The following ITGB4 variants were observed in gnomAD, a reference collection of about 807,000 sequenced individuals.
ITGB4 encodes integrin subunit beta 4.
In ITGB4, 159 loss-of-function variants were observed where a neutral mutation model predicts 207.6. That is an observed-to-expected ratio of 0.77 (90% CI 0.67 to 0.87). The LOEUF (loss-of-function observed/expected upper bound fraction) is 0.87, where lower values mean the gene tolerates loss of function less well. Among genes scored for constraint, ITGB4 ranks in the 40% least tolerant of loss-of-function variants. The pLI, the probability that ITGB4 is intolerant of heterozygous loss-of-function variation, is 0.00. For missense variants in ITGB4, 2,278 were observed against 2,546.8 expected, an observed-to-expected ratio of 0.89 and a Z score of 2.27; for synonymous variants, 1,020 against 1,062.7, an observed-to-expected ratio of 0.96 and a Z score of 0.78.
Position 75,729,121 on chromosome 17 carries a change from C to T in ITGB4, c.567-144C>T, listed in dbSNP as rs565501710. 2.1e-5 allele frequency: 15 copies of T among 722,286 alleles called. No homozygotes were observed. Among genetic ancestry groups the T allele is most frequent in the East Asian group, 1.7e-4 (6 of 36,302 alleles). The allele number at this position is 722,286 out of a possible 1,614,324, so 44.7% of individuals were successfully genotyped here. A position where few individuals can be genotyped will look rare whatever the true frequency, so the allele number is the denominator to read the frequency against. On this transcript the variant is annotated intron_variant, in intron 6 of 39. Transcript: ENST00000200181. This position sits in a 1 kb window ranked among gnomAD's most constrained non-coding sequence, Gnocchi z 4.4. ...TGCAGTGAGCCAAGATCGTGCATAC[C>T]GCACACCAGCCTGGGTGATAAAGCG...
Position 75,753,900 on chromosome 17 carries a change from G to T in ITGB4, c.4244G>T (p.Gly1415Val). 1 of 1,297,724 alleles carries T rather than the reference G, an allele frequency of 7.7e-7. No homozygotes were observed. The highest frequency in any genetic ancestry group is 9.7e-7 in the Non-Finnish European group (1 of 1,028,918). The allele number at this position is 1,297,724 out of a possible 1,614,324, so 80.4% of individuals were successfully genotyped here. A position where few individuals can be genotyped will look rare whatever the true frequency, so the allele number is the denominator to read the frequency against. The change falls in exon 33 of 40, where the codon GGG (glycine) becomes GTG (valine). Residue 1415 changes from glycine to valine, a missense_variant. Coordinates refer to ENST00000200181, the MANE Select transcript of ITGB4 (RefSeq NM_000213.5). ...TCCTCCGACGCCGAGGCGCCCCACG[G>T]GCCCCCGGACGACGGCGGCGCGGGC... Reference protein sequence around the residue: ...GRSSDAEAPHGPPDDGGAGGK... With the variant: ...GRSSDAEAPHVPPDDGGAGGK...
intron 30 of ITGB4, 26 bp downstream of exon 30, chr17:75,751,137 C>A (rs756911185): frequency 4.4e-5 from 71 of 1,610,928 alleles, no homozygotes; most frequent in Non-Finnish European, 5.8e-5. Flanking sequence ...TTCTTTCCTG[C>A]CCACAGGGAG....
intron 18 of ITGB4, among the ~76,000 whole-genome samples, chr17:75,738,793 A>G (rs1346375067): frequency 2.0e-5 from 3 of 152,192 alleles, no homozygotes; most frequent in East Asian, 1.9e-4. Flanking sequence ...ATTAATGTGC[A>G]TTACATAGGC....
chr17:75,740,009 C>A lies in ITGB4; in HGVS notation c.2384C>A (p.Thr795Asn). The change falls in exon 20 of 40, where the codon ACC becomes AAC. Residue 795 changes from threonine to asparagine, a missense_variant. Transcript: ENST00000200181. The surrounding 1 kb of genome is among the most constrained non-coding windows in gnomAD (Gnocchi z 5.9). The part of the protein sequence containing the change: ...KGRDVVRWKV[T>N]NNMQRPGFAT... ...CGTGACGTGGTCCGCTGGAAGGTCA[C>A]CAACAACATGCAGCGGCCTGGCTTT... 1 of 1,613,196 alleles carries A rather than the reference C, an allele frequency of 6.2e-7. No homozygotes were observed. The highest frequency in any genetic ancestry group is 1.6e-4 in the Middle Eastern group (1 of 6,062).
rs1053230158 is a variant in ITGB4, at chr17:75,737,552, T to C, written c.2128T>C (p.Ser710Pro). 1 of 1,585,786 alleles carries C rather than the reference T, an allele frequency of 6.3e-7. No individual in the cohort carries two copies. The highest frequency in any genetic ancestry group is 8.6e-7 in the Non-Finnish European group (1 of 1,166,538). The change falls in exon 18 of 40, where the codon TCC (serine) becomes CCC (proline). Residue 710 changes from serine (S) to proline (P), a missense_variant. Coordinates refer to ENST00000200181, the MANE Select transcript of ITGB4 (RefSeq NM_000213.5). Reference protein sequence around the residue: ...VHKKKDCPPGSFWWLIPLLLL... With the variant: ...VHKKKDCPPGPFWWLIPLLLL... ...CTCCTCTCCAGACTGCCCTCCGGGC[T>C]CCTTCTGGTGGCTCATCCCCCTGCT...
intron 8 of ITGB4, 127 bp from the exon 9 acceptor site, chr17:75,730,748 G>A: frequency 9.4e-7 from 1 of 1,059,420 alleles, no homozygotes; most frequent in East Asian, 2.4e-5. Flanking sequence ...GGGGCTAAGA[G>A]GGCAGGCTCT....
intron 35 of ITGB4, 34 bp from the exon 36 acceptor site, chr17:75,756,395 T>C: frequency 6.2e-7 from 1 of 1,610,512 alleles, no homozygotes; most frequent in Non-Finnish European, 8.5e-7. Flanking sequence ...GGAGTAACAC[T>C]GCACTACTGT....
At chr17:75,741,038 C>T in intron 23 of ITGB4, 33 bp downstream of exon 23, 1 of 1,606,622 alleles carries the variant, frequency 6.2e-7, no homozygotes, top group Non-Finnish European at 8.5e-7. Context: ...AGAGGGCCCC[C>T]ACTTCCTGCC....
rs373902577 is a variant in ITGB4, at chr17:75,756,515, C to T, written c.4795C>T (p.Arg1599Cys). Reference sequence around the variant, plus strand: ...CCTGCCCAACCACTCCTACGTGTTCCGCGTGCGGGCCCAGAGCCAGGAAGG... The same window carrying T: ...CCTGCCCAACCACTCCTACGTGTTCTGCGTGCGGGCCCAGAGCCAGGAAGG... ...DLLPNHSYVF[R>C]VRAQSQEGWG... The change falls in exon 36 of 40, where the codon CGC becomes TGC. Residue 1599 changes from arginine (R) to cysteine (C), a missense_variant. By Grantham distance (180) the Arg-to-Cys change is radical. Transcript: ENST00000200181. The T allele has an allele frequency of 6.8e-5, 110 of 1,613,348 alleles. No individual in the cohort carries two copies. Among genetic ancestry groups the T allele is most frequent in the Middle Eastern group, 1.6e-4 (1 of 6,062 alleles).
rs370985631 is a variant in ITGB4, at chr17:75,742,145, G to A, written c.2634-196G>A. Among the ~76,000 whole-genome samples the A allele has an allele frequency of 7.9e-5, 12 of 152,260 alleles. No homozygotes were observed. The highest frequency in any genetic ancestry group is 2.2e-4 in the African/African-American group (9 of 41,476). On this transcript the variant is annotated intron_variant, in intron 23 of 39. Transcript: ENST00000200181. This position sits in a 1 kb window ranked among gnomAD's most constrained non-coding sequence, Gnocchi z 5.9. The stretch of plus-strand genomic sequence containing the variant: ...AGGAGGACGCTGAGGACAGGGAGGC[G>A]CCATGGCTGGGCTGAGGCTGCAGGG...
intron 34 of ITGB4, 108 bp from the exon 35 acceptor site, chr17:75,755,593 T>C: frequency 1.4e-6 from 2 of 1,407,560 alleles, no homozygotes; most frequent in South Asian, 1.2e-5. Context: ...CAGCCAGCGG[T>C]CAGTGTAGAC....
chr17:75,752,338 C>G lies in ITGB4; in HGVS notation c.3958C>G (p.Pro1320Ala), dbSNP rs1051437360. ...REAIINLATQ[P>A]KRPMSIPIIP... Reference sequence around the variant, plus strand: ...GGCCATCATCAACCTGGCCACCCAGCCCAAGAGGCCCATGTCCAGTGAGTG... The same window carrying G: ...GGCCATCATCAACCTGGCCACCCAGGCCAAGAGGCCCATGTCCAGTGAGTG... The change falls in exon 31 of 40, where the codon CCC becomes GCC. Residue 1320 changes from proline to alanine, a missense_variant. Physicochemically the swap from Pro to Ala is conservative, Grantham distance 27. Transcript: ENST00000200181. 4 of 1,612,552 alleles carry G rather than the reference C, an allele frequency of 2.5e-6. No homozygotes were observed. The highest frequency in any genetic ancestry group is 2.7e-5 in the African/African-American group (2 of 74,918).
Position 75,742,882 on chromosome 17 carries a change from C to T in ITGB4, c.2962+121C>T, listed in dbSNP as rs777385605. The T allele has an allele frequency of 3.3e-4, 303 of 917,086 alleles. No homozygotes were observed. The highest frequency in any genetic ancestry group is 4.7e-4 in the Non-Finnish European group (286 of 613,692). 56.8% of individuals were successfully genotyped at this position (917,086 alleles called of 1,614,324 possible). ...GGGCTAGTCACTTAACCTCTGCAAG[C>T]CTTGGTTTCTCCATCTGTAAAATGG... On this transcript the variant is annotated intron_variant, in intron 25 of 39. Transcript: ENST00000200181. This position sits in a 1 kb window ranked among gnomAD's most constrained non-coding sequence, Gnocchi z 5.9.
Position 75,739,984 on chromosome 17 carries a change from C to T in ITGB4, c.2359C>T (p.Arg787Cys), listed in dbSNP as rs150184884. Residue 787 changes from arginine (R) to cysteine (C), a missense_variant, in exon 20 of 40, where the codon CGT becomes TGT. Transcript: ENST00000200181. The surrounding 1 kb of genome is among the most constrained non-coding windows in gnomAD (Gnocchi z 5.4). ...PMLRSGNLKG[R>C]DVVRWKVTNN... The stretch of plus-strand genomic sequence containing the variant: ...GCTGCGCAGCGGGAACCTCAAGGGC[C>T]GTGACGTGGTCCGCTGGAAGGTCAC... 5.0e-5 allele frequency: 81 copies of T among 1,613,232 alleles called. No individual in the cohort carries two copies. The highest frequency in any genetic ancestry group is 2.9e-4 in the East Asian group (13 of 44,874).
chr17:75,736,804 C>T, intron 16 of ITGB4, 110 bp downstream of exon 16: 1 of 1,246,950 alleles, frequency 8.0e-7, no homozygotes, highest in Non-Finnish European at 1.1e-6. Context: ...GCTAAGGTCA[C>T]ACAGTCCGGA....
rs752392642 is a variant in ITGB4 at position 75,740,994 on chromosome 17, T to C, written c.2622T>C (p.Asn874=). 1 of 1,613,744 alleles carries C rather than the reference T, an allele frequency of 6.2e-7. No individual in the cohort carries two copies. The highest frequency in any genetic ancestry group is 8.5e-7 in the Non-Finnish European group (1 of 1,179,998). The change falls in exon 23 of 40, where the codon AAT becomes AAC. Residue 874 remains asparagine (N), a synonymous_variant. Transcript: ENST00000200181. The surrounding 1 kb of genome is among the most constrained non-coding windows in gnomAD (Gnocchi z 5.9). The part of the protein sequence containing the change: ...LQQTKFRQQP[N]AGKKQDHTIV... ...TTTGTCCCCACAGGCAGCAGCCCAA[T>C]GCCGGGAAAAAGTGAGTAGAAGACT... is the stretch of plus-strand genomic sequence containing the variant.
rs61751843 is a variant in ITGB4 at position 75,729,400 on chromosome 17, C to T, written c.702C>T (p.Gly234=). Reference sequence around the variant, plus strand: ...CAGGCAACCTGGATGCTCCTGAGGGCGGCTTCGATGCCATCCTGCAGACAG... The same window carrying T: ...CAGGCAACCTGGATGCTCCTGAGGGTGGCTTCGATGCCATCCTGCAGACAG... The part of the protein sequence containing the change: ...RISGNLDAPE[G]GFDAILQTAV... The change falls in exon 7 of 40, where the codon GGC becomes GGT. Residue 234 remains glycine, a synonymous_variant. Coordinates refer to ENST00000200181, the MANE Select transcript of ITGB4 (RefSeq NM_000213.5). This position sits in a 1 kb window ranked among gnomAD's most constrained non-coding sequence, Gnocchi z 4.4. 58,988 of 1,614,092 alleles carry T rather than the reference C, an allele frequency of 0.037. 1,245 individuals carry two copies. The highest frequency in any genetic ancestry group is 0.042 in the Non-Finnish European group (49,851 of 1,179,976).
At chr17:75,736,459 A>C in intron 15 of ITGB4, 73 bp downstream of exon 15, 1 of 1,609,574 alleles carries the variant, frequency 6.2e-7, no homozygotes, top group South Asian at 1.1e-5. Context: ...GGAGGGGCTA[A>C]GCCTGATGCC....
chr17:75,754,931 C>A, intron 34 of ITGB4, 116 bp downstream of exon 34: 1 of 1,537,518 alleles, frequency 6.5e-7, no homozygotes, highest in Non-Finnish European at 8.9e-7. Context: ...TACACACACG[C>A]ATGCACACAT....
Sources: allele counts gnomAD v4.1 joint callset (sites outside exome capture counted in the v4.1 genomes callset), GRCh38; gene constraint gnomAD v4.1.1; non-coding constraint Gnocchi (gnomAD v3.1); transcripts MANE v1.5; gene names NCBI Gene and HGNC (gene_info 2026-07-23, HGNC 2026-07-21).